The following LRBA variants were observed in gnomAD, a reference collection of about 807,000 sequenced individuals.
The protein encoded by LRBA is LPS responsive beige-like anchor protein, also known as lipopolysaccharide-responsive and beige-like anchor protein.
LRBA carries 176 observed loss-of-function variants against 330.0 expected under a neutral mutation model. The ratio of observed to expected loss-of-function variants is 0.53; its 90% CI spans 0.47 to 0.60. LRBA has a LOEUF of 0.60. LRBA is among the 20% of genes least tolerant of loss of function. The probability of loss-of-function intolerance (pLI) is 0.00; values close to 1 mark genes in which losing one functional copy is unlikely to be tolerated. For synonymous variants in LRBA, 1,230 were observed against 1,193.0 expected (o/e 1.03, Z -0.64); for missense variants, 3,259 against 3,444.8 (o/e 0.95, Z 1.35).
intron 40 of LRBA, among the ~76,000 whole-genome samples, chr4:150,535,426 T>C (rs1003338712): frequency 4.6e-5 from 7 of 152,212 alleles, no homozygotes; most frequent in Admixed American, 2.0e-4. Context: ...GCACAAGCCA[T>C]GGCAGTCAAC....
At chr4:150,633,705 A>C (rs894025247) in intron 37 of LRBA, among the ~76,000 whole-genome samples, 1 of 152,214 alleles carries the variant, frequency 6.6e-6, no homozygotes, top group African/African-American at 2.4e-5. Flanking sequence ...ATATGGCCAT[A>C]AGGCCTCGTG....
In LRBA at chr4:150,766,011, T is replaced by C. The variant is rs533070716; in HGVS notation, c.5581-4164A>G. On this transcript the variant is annotated intron_variant, in intron 34 of 56. Transcript: ENST00000651943. Reference sequence around the variant, plus strand: ...AAAACAAATTAGACATGAAGGTACATATATAATTGAAGAAGTTCAGTGTTT... The same window carrying C: ...AAAACAAATTAGACATGAAGGTACACATATAATTGAAGAAGTTCAGTGTTT... Among the ~76,000 whole-genome samples, 136 of 152,058 alleles carry C rather than the reference T, an allele frequency of 8.9e-4. 1 individual carries two copies. Among genetic ancestry groups the C allele is most frequent in the Non-Finnish European group, 3.7e-4 (25 of 67,930 alleles).
chr4:150,584,267 A>C, intron 40 of LRBA: 1 of 744,144 alleles, frequency 1.3e-6, no homozygotes, highest in Non-Finnish European at 2.0e-6. Flanking sequence ...AGCAAACAAA[A>C]AGAGAGCAAC....
chr4:150,781,799 T>A (rs771391253), intron 34 of LRBA, among the ~76,000 whole-genome samples: 1 of 152,160 alleles, frequency 6.6e-6, no homozygotes, highest in Admixed American at 6.5e-5. Flanking sequence ...TCATCACAAA[T>A]CTGTCTCCTC....
At chr4:150,529,721 C>CA (rs201900862) in intron 40 of LRBA, among the ~76,000 whole-genome samples, 12,049 of 116,768 alleles carry the variant, frequency 0.1, 847 homozygotes, top group African/African-American at 0.22. Context: ...GACTCCATCT[C>CA]AAAAAAAAAA....
intron 40 of LRBA, among the ~76,000 whole-genome samples, chr4:150,503,731 A>C (rs920168049): frequency 3.3e-5 from 5 of 152,240 alleles, no homozygotes; most frequent in Admixed American, 1.3e-4. Context: ...AACGGAACAA[A>C]GCTGGACGGA....
chr4:150,753,382 T>C (rs933340977), intron 35 of LRBA, among the ~76,000 whole-genome samples: 1 of 152,222 alleles, frequency 6.6e-6, no homozygotes, highest in Non-Finnish European at 1.5e-5. Flanking sequence ...TGAATGACGC[T>C]ATTTTCATTT....
intron 49 of LRBA, among the ~76,000 whole-genome samples, chr4:150,323,800 C>T (rs1464380085): frequency 1.3e-5 from 2 of 152,228 alleles, no homozygotes; most frequent in African/African-American, 4.8e-5. Context: ...GCAGTGACAG[C>T]AGCAGCTGCA....
intron 47 of LRBA, among the ~76,000 whole-genome samples, chr4:150,376,535 C>T (rs1741354694): frequency 6.6e-6 from 1 of 152,064 alleles, no homozygotes; most frequent in South Asian, 2.1e-4. Context: ...TTAGCAAAAC[C>T]AGAAAATATG....
chr4:151,003,278 T>C (rs1266369973), intron 2 of LRBA, among the ~76,000 whole-genome samples: 2 of 150,906 alleles, frequency 1.3e-5, no homozygotes, highest in East Asian at 2.0e-4. Context: ...ACACCTGTAA[T>C]ACCAGCTACT....
intron 34 of LRBA, among the ~76,000 whole-genome samples, chr4:150,776,571 T>C (rs1011353391): frequency 6.6e-6 from 1 of 152,168 alleles, no homozygotes; most frequent in Non-Finnish European, 1.5e-5. Flanking sequence ...CTCAGCACTT[T>C]AGGAGACCAA....
intron 48 of LRBA, among the ~76,000 whole-genome samples, chr4:150,342,727 G>A (rs1735756958): frequency 6.6e-6 from 1 of 152,114 alleles, no homozygotes; most frequent in Non-Finnish European, 1.5e-5. Context: ...TTCTCAAGAA[G>A]AATGGCGCTT....
At chr4:150,759,048 C>T (rs1734713585) in intron 35 of LRBA, among the ~76,000 whole-genome samples, 2 of 151,972 alleles carry the variant, frequency 1.3e-5, no homozygotes, top group African/African-American at 4.8e-5. Context: ...TTCCAAGTAG[C>T]TGGTACTATA....
intron 22 of LRBA, among the ~76,000 whole-genome samples, chr4:150,856,695 C>T (rs1018194519): frequency 6.6e-5 from 10 of 152,110 alleles, no homozygotes; most frequent in Non-Finnish European, 1.2e-4. Context: ...TTTTTGGATG[C>T]TGTTTTCCTT....
chr4:150,973,465 C>A (rs563422930), intron 2 of LRBA, among the ~76,000 whole-genome samples: 7 of 152,082 alleles, frequency 4.6e-5, no homozygotes, highest in African/African-American at 1.7e-4. Flanking sequence ...CCATGCTTGG[C>A]CTAAAATTAA....
chr4:150,286,557 T>C (rs1748147598), intron 53 of LRBA, among the ~76,000 whole-genome samples: 1 of 152,056 alleles, frequency 6.6e-6, no homozygotes. Flanking sequence ...TTTTCTGATA[T>C]ATAAATTTCA....
intron 17 of LRBA, among the ~76,000 whole-genome samples, chr4:150,876,369 C>G (rs1190783509): frequency 6.6e-6 from 1 of 152,086 alleles, no homozygotes; most frequent in East Asian, 1.9e-4. Context: ...GAGAACATCA[C>G]AAGATACCAT....
chr4:150,659,147 G>A (rs1780681016), intron 37 of LRBA, among the ~76,000 whole-genome samples: 2 of 137,250 alleles, frequency 1.5e-5, no homozygotes, highest in African/African-American at 5.2e-5. Flanking sequence ...ACCCCGTCTG[G>A]GAAGGGAGGA....
chr4:150,485,258 G>C (rs937189780), intron 42 of LRBA, among the ~76,000 whole-genome samples: 2 of 151,740 alleles, frequency 1.3e-5, no homozygotes, highest in African/African-American at 2.4e-5. Context: ...ATCCACTTTT[G>C]TCTTATGAAT....
Sources: allele counts gnomAD v4.1 joint callset (sites outside exome capture counted in the v4.1 genomes callset), GRCh38; gene constraint gnomAD v4.1.1; transcripts MANE v1.5; gene names NCBI Gene and HGNC (gene_info 2026-07-23, HGNC 2026-07-21).